C1QTNF3: variants seen among roughly 807,000 people sequenced by gnomAD.
The protein encoded by C1QTNF3 is C1q and TNF related 3, also known as complement C1q tumor necrosis factor-related protein 3.
C1QTNF3 carries 26 observed loss-of-function variants against 32.6 expected under a neutral mutation model. The observed-to-expected ratio is 0.80, with a 90% CI of 0.58 to 1.11. C1QTNF3 has a LOEUF of 1.11. Ranked by LOEUF, C1QTNF3 falls within the 50% of genes least tolerant of loss-of-function variation. The pLI, the probability that C1QTNF3 is intolerant of heterozygous loss-of-function variation, is 0.00. For missense variants in C1QTNF3, 362 were observed against 398.2 expected, an observed-to-expected ratio of 0.91 and a Z score of 0.77; for synonymous variants, 155 against 146.0, an observed-to-expected ratio of 1.06 and a Z score of -0.44.
chr5:34,156,199 T>C, the C1QTNF3 span, among the ~76,000 whole-genome samples: 1 of 152,132 alleles, frequency 6.6e-6, no homozygotes, highest in Non-Finnish European at 1.5e-5. Context: ...GCCTCCCCAG[T>C]GGCTGGGATT....
chr5:34,093,780 C>A, the C1QTNF3 span, among the ~76,000 whole-genome samples: 1 of 152,062 alleles, frequency 6.6e-6, no homozygotes, highest in African/African-American at 2.4e-5. Context: ...AACTTTTTTG[C>A]ATACTCACAA....
the C1QTNF3 span, among the ~76,000 whole-genome samples, chr5:34,175,215 T>C: frequency 6.6e-6 from 1 of 152,016 alleles, no homozygotes; most frequent in Admixed American, 6.6e-5. Context: ...AGCTAATCTG[T>C]TTAGTTTTTG....
the C1QTNF3 span, among the ~76,000 whole-genome samples, chr5:34,153,853 T>TAAAAAAAAAAA: frequency 3.4e-4 from 11 of 32,814 alleles, no homozygotes; most frequent in Non-Finnish European, 4.8e-4. Context: ...ACTTAGAGTA[T>TAAAAAAAAAAA]AAAAAAAAAA....
the C1QTNF3 span, among the ~76,000 whole-genome samples, chr5:34,113,984 G>A: frequency 6.6e-6 from 1 of 152,122 alleles, no homozygotes; most frequent in African/African-American, 2.4e-5. Context: ...TTTTGATTAG[G>A]CTTTGCGATC....
At chr5:34,145,583 T>A in the C1QTNF3 span, among the ~76,000 whole-genome samples, 1 of 149,984 alleles carries the variant, frequency 6.7e-6, no homozygotes, top group Admixed American at 6.7e-5. Flanking sequence ...ACATCAATCC[T>A]ACTGAAACTA....
chr5:34,025,419 G>A (rs1754436198), intron 4 of C1QTNF3, among the ~76,000 whole-genome samples: 1 of 152,148 alleles, frequency 6.6e-6, no homozygotes, highest in African/African-American at 2.4e-5. Flanking sequence ...ACACCAGATG[G>A]TGAATAAATG....
the C1QTNF3 span, among the ~76,000 whole-genome samples, chr5:34,051,424 T>C: frequency 9.2e-5 from 14 of 152,228 alleles, no homozygotes; most frequent in Admixed American, 3.3e-4. Context: ...AACAATATCA[T>C]GATTATCTTT....
At chr5:34,087,911 A>T in the C1QTNF3 span, among the ~76,000 whole-genome samples, 6 of 152,234 alleles carry the variant, frequency 3.9e-5, no homozygotes, top group South Asian at 1.2e-3. Flanking sequence ...CTGAAAAAGT[A>T]ATTGGCCCTC....
the C1QTNF3 span, chr5:34,167,313 T>C: frequency 6.6e-6 from 1 of 152,200 alleles, no homozygotes; most frequent in African/African-American, 2.4e-5. Flanking sequence ...CAGCTTTCTC[T>C]GCCTCACGTT....
At chr5:34,171,733 C>T in the C1QTNF3 span, among the ~76,000 whole-genome samples, 4 of 152,110 alleles carry the variant, frequency 2.6e-5, no homozygotes, top group African/African-American at 9.7e-5. Context: ...CATTTACCTT[C>T]AAGCAGGATG....
chr5:34,131,623 G>A, the C1QTNF3 span, among the ~76,000 whole-genome samples: 1 of 152,166 alleles, frequency 6.6e-6, no homozygotes, highest in Non-Finnish European at 1.5e-5. Flanking sequence ...CTAGAGACAG[G>A]GAAGGGTGGG....
the C1QTNF3 span, among the ~76,000 whole-genome samples, chr5:34,051,687 G>A: frequency 8.5e-5 from 13 of 152,268 alleles, no homozygotes; most frequent in African/African-American, 2.6e-4. Flanking sequence ...CTACATGTCC[G>A]GTCCTTCTTC....
intron 3 of C1QTNF3, among the ~76,000 whole-genome samples, chr5:34,032,875 T>C (rs1005439997): frequency 2.0e-5 from 3 of 152,210 alleles, no homozygotes; most frequent in Admixed American, 6.5e-5. Context: ...TGGATTAGTA[T>C]ATGTAAATAT....
At position 34,033,402 on chromosome 5, in the gene C1QTNF3, C is replaced by T; in HGVS notation, c.472G>A (p.Glu158Lys). 6.2e-7 allele frequency: 1 copy of T among 1,614,190 alleles called. No homozygotes were observed. Among genetic ancestry groups the T allele is most frequent in the Non-Finnish European group, 8.5e-7 (1 of 1,180,024 alleles). The change falls in exon 3 of 6, where the codon GAG (glutamate) becomes AAG (lysine). Residue 158 changes from glutamate to lysine, a missense_variant. Physicochemically the swap from Glu to Lys is moderately conservative, Grantham distance 56. Transcript: ENST00000382065. ...GATGHEGAKG[E>K]KGDKGDLGPR... ...CCCAGGTCACCTTTGTCGCCCTTCT[C>T]ACCTTTGGCTCCTTCATGACCAGTG...
the C1QTNF3 span, among the ~76,000 whole-genome samples, chr5:34,174,605 C>T: frequency 6.6e-6 from 1 of 152,154 alleles, no homozygotes; most frequent in Non-Finnish European, 1.5e-5. Flanking sequence ...CCGCCATCAC[C>T]ATATCCTTCT....
chr5:34,066,611 G>C, the C1QTNF3 span, among the ~76,000 whole-genome samples: 1 of 151,544 alleles, frequency 6.6e-6, no homozygotes, highest in Non-Finnish European at 1.5e-5. Context: ...GATAATGACG[G>C]CGAAATTTAA....
At chr5:34,095,124 G>C in the C1QTNF3 span, among the ~76,000 whole-genome samples, 1 of 151,840 alleles carries the variant, frequency 6.6e-6, no homozygotes, top group Non-Finnish European at 1.5e-5. Context: ...TATTGTACCT[G>C]CATATAATGC....
chr5:34,222,247 T>C, the C1QTNF3 span, among the ~76,000 whole-genome samples: 1 of 152,036 alleles, frequency 6.6e-6, no homozygotes. Context: ...GTCAATTATT[T>C]TTTAAATGAA....
the C1QTNF3 span, among the ~76,000 whole-genome samples, chr5:34,132,721 T>G: frequency 6.6e-6 from 1 of 152,080 alleles, no homozygotes; most frequent in Non-Finnish European, 1.5e-5. Flanking sequence ...TGAGATGTGA[T>G]TGATGGATGC....
Sources: gnomAD v4.1 joint callset for allele counts (sites outside exome capture counted in the v4.1 genomes callset) on GRCh38, gnomAD v4.1.1 for gene constraint, MANE v1.5 for transcripts, NCBI Gene and HGNC (gene_info 2026-07-23, HGNC 2026-07-21) for gene names.